Variants in TMEM135 observed in about 807,000 individuals in gnomAD.
TMEM135 encodes peroxisomal membrane protein 52.
TMEM135 carries 30 observed loss-of-function variants against 60.3 expected under a neutral mutation model. The ratio of observed to expected loss-of-function variants is 0.50; its 90% CI spans 0.37 to 0.68. TMEM135 has a LOEUF of 0.68. Ranked by LOEUF, TMEM135 falls within the 30% of genes least tolerant of loss-of-function variation. The pLI is 0.00. For synonymous variants in TMEM135, 190 were observed against 186.7 expected, an observed-to-expected ratio of 1.02 and a Z score of -0.14; for missense variants, 468 against 548.8, an observed-to-expected ratio of 0.85 and a Z score of 1.47.
At chr11:87,107,421 C>A (rs932362761) in intron 4 of TMEM135, among the ~76,000 whole-genome samples, 2 of 146,048 alleles carry the variant, frequency 1.4e-5, no homozygotes, top group Non-Finnish European at 3.0e-5. Flanking sequence ...CCCCTCCCCC[C>A]ACCCCACGAC....
intron 6 of TMEM135, among the ~76,000 whole-genome samples, chr11:87,265,233 T>A (rs1941725546): frequency 6.6e-6 from 1 of 151,924 alleles, no homozygotes; most frequent in Non-Finnish European, 1.5e-5. Context: ...GTCCTACACA[T>A]CTGGTTGTGA....
chr11:87,218,446 A>G (rs1490132385), intron 5 of TMEM135, among the ~76,000 whole-genome samples: 1 of 152,070 alleles, frequency 6.6e-6, no homozygotes, highest in Admixed American at 6.6e-5. Flanking sequence ...ATCCTCACTA[A>G]TGATTCTTGG....
At chr11:87,228,177 A>G (rs928874578) in intron 5 of TMEM135, among the ~76,000 whole-genome samples, 10 of 152,122 alleles carry the variant, frequency 6.6e-5, no homozygotes, top group Admixed American at 1.3e-4. Context: ...CCACCAAACT[A>G]TGTTCTTCAG....
At chr11:87,244,891 A>G (rs1941227382) in intron 6 of TMEM135, among the ~76,000 whole-genome samples, 1 of 150,344 alleles carries the variant, frequency 6.7e-6, no homozygotes, top group Non-Finnish European at 1.5e-5. Flanking sequence ...GCCTTCTGCT[A>G]GCTTTTGAAT....
At chr11:87,245,110 T>C (rs61905656) in intron 6 of TMEM135, among the ~76,000 whole-genome samples, 66,128 of 110,298 alleles carry the variant, frequency 0.6, 21,105 homozygotes, top group Non-Finnish European at 0.67. Flanking sequence ...CGTTATGTAC[T>C]CAGTAGTCAT....
chr11:87,248,864 G>A (rs1422130529), intron 6 of TMEM135, among the ~76,000 whole-genome samples: 1 of 152,002 alleles, frequency 6.6e-6, no homozygotes, highest in Non-Finnish European at 1.5e-5. Context: ...AATTGTATTT[G>A]TAGCTATTGT....
Position 87,114,991 on chromosome 11 carries a change from T to C in TMEM135, c.396+23596T>C, listed in dbSNP as rs148831266. 2.3e-3 allele frequency among the ~76,000 whole-genome samples: 356 copies of C among 152,328 alleles called. 3 individuals are homozygous for C. The highest frequency in any genetic ancestry group is 3.2e-3 in the Admixed American group (49 of 15,302). ...TATATTCATGCATAGTTACCATTAT[T>C]GATCATCTTTAAACCTAAATGAAAG... is the stretch of plus-strand genomic sequence containing the variant. On this transcript the variant is annotated intron_variant, in intron 4 of 14. Coordinates refer to ENST00000305494, the MANE Select transcript of TMEM135 (RefSeq NM_022918.4).
chr11:87,227,055 A>G (rs1351601059), intron 5 of TMEM135, among the ~76,000 whole-genome samples: 1 of 152,186 alleles, frequency 6.6e-6, no homozygotes, highest in Non-Finnish European at 1.5e-5. Flanking sequence ...TTTCAAAAAA[A>G]GAAAAACAAA....
chr11:87,137,099 G>A (rs1280167611), intron 4 of TMEM135, among the ~76,000 whole-genome samples: 2 of 151,860 alleles, frequency 1.3e-5, no homozygotes, highest in Non-Finnish European at 2.9e-5. Context: ...CTATAGTTAC[G>A]GATTTGTGAT....
chr11:87,216,684 G>A (rs572208738), intron 5 of TMEM135, among the ~76,000 whole-genome samples: 175 of 152,280 alleles, frequency 1.1e-3, no homozygotes, highest in African/African-American at 4.0e-3. Flanking sequence ...CTTGTTGGCT[G>A]AGTTTTGGAT....
chr11:87,236,758 A>G (rs1001348003), intron 6 of TMEM135, 74 bp downstream of exon 6: 2 of 1,406,348 alleles, frequency 1.4e-6, no homozygotes, highest in Non-Finnish European at 2.0e-6. Context: ...CCACGAAACT[A>G]AAGTATTCTC....
At chr11:87,118,462 T>G (rs1247318926) in intron 4 of TMEM135, among the ~76,000 whole-genome samples, 1 of 152,068 alleles carries the variant, frequency 6.6e-6, no homozygotes, top group Admixed American at 6.5e-5. Context: ...TTTTTTTTCT[T>G]TTTTGAGACG....
chr11:87,162,196 TTA>T (rs201740288), intron 5 of TMEM135, among the ~76,000 whole-genome samples: 24 of 148,566 alleles, frequency 1.6e-4, no homozygotes, highest in South Asian at 4.3e-4. Context: ...GGTATATCTT[TTA>T]TTTTTTTTTG....
chr11:87,077,307 A>G (rs1856894739), intron 3 of TMEM135, among the ~76,000 whole-genome samples: 1 of 152,352 alleles, frequency 6.6e-6, no homozygotes. Flanking sequence ...TCTAAGATGT[A>G]GCTTGTATTA....
In TMEM135 at chr11:87,304,640, G is replaced by C. The variant is rs145499926; in HGVS notation, c.699-1296G>C. Among the ~76,000 whole-genome samples, 411 of 152,308 alleles carry C rather than the reference G, an allele frequency of 2.7e-3. 3 individuals are homozygous for C. The highest frequency in any genetic ancestry group is 9.4e-3 in the African/African-American group (392 of 41,566). On this transcript the variant is annotated intron_variant, in intron 8 of 14. Coordinates refer to ENST00000305494, the MANE Select transcript of TMEM135 (RefSeq NM_022918.4). Reference sequence around the variant, plus strand: ...TTGCTGTCACCCTTGACTAGGAAAGGCTGTATGCTCCAGCTGTAGTGCAGA... The same window carrying C: ...TTGCTGTCACCCTTGACTAGGAAAGCCTGTATGCTCCAGCTGTAGTGCAGA...
chr11:87,069,872 G>GT (rs1260873870), intron 2 of TMEM135, among the ~76,000 whole-genome samples: 1 of 152,108 alleles, frequency 6.6e-6, no homozygotes, highest in Non-Finnish European at 1.5e-5. Context: ...CTGAGCTTCA[G>GT]TTTAAGAAAT....
At chr11:87,252,332 G>C (rs1448193826) in intron 6 of TMEM135, among the ~76,000 whole-genome samples, 2 of 152,146 alleles carry the variant, frequency 1.3e-5, no homozygotes, top group Non-Finnish European at 2.9e-5. Context: ...TATTATAAAT[G>C]ATTAGGAAGA....
chr11:87,109,434 G>A (rs904459994), intron 4 of TMEM135, among the ~76,000 whole-genome samples: 4 of 152,118 alleles, frequency 2.6e-5, no homozygotes, highest in African/African-American at 9.7e-5. Context: ...TGTGAATGTG[G>A]TATCTCTGTG....
At chr11:87,115,493 T>C (rs948163600) in intron 4 of TMEM135, among the ~76,000 whole-genome samples, 5 of 152,186 alleles carry the variant, frequency 3.3e-5, no homozygotes, top group African/African-American at 1.2e-4. Context: ...AATACTTTTG[T>C]AATTACTTTG....
Sources: gnomAD v4.1 joint callset for allele counts (sites outside exome capture counted in the v4.1 genomes callset) on GRCh38, gnomAD v4.1.1 for gene constraint, MANE v1.5 for transcripts, NCBI Gene and HGNC (gene_info 2026-07-23, HGNC 2026-07-21) for gene names.